Variants in DCST1 observed in about 807,000 individuals in gnomAD.
DCST1 encodes E3 ubiquitin-protein ligase DCST1.
DCST1 carries 78 observed loss-of-function variants against 89.1 expected under a neutral mutation model. The ratio of observed to expected loss-of-function variants is 0.88; its 90% confidence interval spans 0.73 to 1.06. DCST1 has a LOEUF of 1.06. Among genes scored for constraint, DCST1 ranks in the 50% least tolerant of loss-of-function variants. DCST1 has a pLI of 0.00. For synonymous variants in DCST1, 364 were observed against 371.9 expected (o/e 0.98, Z 0.24); for missense variants, 900 against 928.6 (o/e 0.97, Z 0.40).
Position 155,046,161 on chromosome 1 carries a change from G to A in DCST1, c.1309G>A (p.Glu437Lys), listed in dbSNP as rs200401900. 3.1e-6 allele frequency: 5 copies of A among 1,614,208 alleles called. No homozygotes were observed. Among genetic ancestry groups the A allele is most frequent in the Non-Finnish European group, 8.5e-7 (1 of 1,180,038 alleles). The change falls in exon 12 of 17, where the codon GAG becomes AAG. Residue 437 changes from glutamate (E) to lysine (K), a missense_variant. Coordinates refer to ENST00000295542, the MANE Select transcript of DCST1 (RefSeq NM_152494.4). Reference protein sequence around the residue: ...RTLLPLRKAEEKTVIFPCKPT... With the variant: ...RTLLPLRKAEKKTVIFPCKPT... ...TCTGCTGCCACTCCGCAAAGCTGAG[G>A]AGAAAACCGTCATCTTCCCTTGCAA... is the stretch of plus-strand genomic sequence containing the variant.
At chr1:155,039,581 G>C in intron 5 of DCST1, 50 bp downstream of exon 5, 1 of 1,481,444 alleles carries the variant, frequency 6.8e-7, no homozygotes, top group Non-Finnish European at 9.0e-7. Context: ...ACCCTGGGTG[G>C]GTCATCCAAT....
intron 4 of DCST1, among the ~76,000 whole-genome samples, chr1:155,039,133 A>C (rs1404465623): frequency 1.3e-5 from 2 of 152,152 alleles, no homozygotes; most frequent in African/African-American, 4.8e-5. Context: ...CCCTAACACA[A>C]ACACACACAA....
chr1:155,039,441 C>T lies in DCST1; in HGVS notation c.301C>T (p.Arg101Cys), dbSNP rs148510175. The change falls in exon 5 of 17, where the codon CGC (arginine) becomes TGC (cysteine). Residue 101 changes from arginine (R) to cysteine (C), a missense_variant. Coordinates refer to ENST00000295542, the MANE Select transcript of DCST1 (RefSeq NM_152494.4). The stretch of plus-strand genomic sequence containing the variant: ...GGGCTGGGGGACCTCCCCTCACATC[C>T]GCTGTGCCAGCCTCCTACTAGTACC... Reference protein sequence around the residue: ...AMGWGTSPHIRCASLLLVPKM... With the variant: ...AMGWGTSPHICCASLLLVPKM... 161 of 1,598,226 alleles carry T rather than the reference C, an allele frequency of 1.0e-4. No homozygotes were observed. The highest frequency in any genetic ancestry group is 1.2e-4 in the Admixed American group (7 of 58,412).
chr1:155,034,272 A>G, intron 2 of DCST1, 163 bp from the exon 3 acceptor site: 2 of 1,571,134 alleles, frequency 1.3e-6, no homozygotes, highest in Non-Finnish European at 1.7e-6. Flanking sequence ...TTACACCCAT[A>G]CCACTTCCTC....
At position 155,050,667 on chromosome 1, in the gene DCST1, CTGGCTGTGCCGGCGCTGCG is replaced by C. The variant is rs1558114348; in HGVS notation, c.1924_1942del (p.Leu642CysfsTer74). On this transcript the variant is annotated frameshift_variant, in exon 17 of 17. Transcript: ENST00000295542. LOFTEE classifies it high-confidence loss of function. ...ACCGCGGCTGCCCGCTCCTGCGCCG[CTGGCTGTGCCGGCGCTGCG>C]TGGTGTGCCAGGCACCCGAGACGCC... 1 of 1,601,266 alleles carries C rather than the reference CTGGCTGTGCCGGCGCTGCG, an allele frequency of 6.2e-7. No homozygotes were observed. The highest frequency in any genetic ancestry group is 8.5e-7 in the Non-Finnish European group (1 of 1,176,182).
chr1:155,044,960 G>A (rs1044344707), intron 10 of DCST1, among the ~76,000 whole-genome samples: 3 of 152,160 alleles, frequency 2.0e-5, no homozygotes, highest in African/African-American at 7.2e-5. Context: ...GTGGAGGGAA[G>A]GAAGGAGGCA....
chr1:155,048,084 T>G lies in DCST1; in HGVS notation c.1783T>G (p.Tyr595Asp). The G allele has an allele frequency of 1.9e-6, 3 of 1,613,920 alleles. No individual in the cohort carries two copies. The highest frequency in any genetic ancestry group is 2.5e-6 in the Non-Finnish European group (3 of 1,179,968). ...AGAGAAGAAGCGGATCCTGTTCCTC[T>G]ACAATGACCTATTGAAGAAAAGAGC... Reference protein sequence around the residue: ...KREKKRILFLYNDLLKKRAAF... With the variant: ...KREKKRILFLDNDLLKKRAAF... The change falls in exon 16 of 17, where the codon TAC becomes GAC. Residue 595 changes from tyrosine (Y) to aspartate (D), a missense_variant. Transcript: ENST00000295542.
chr1:155,050,384 G>C (rs12085572), intron 16 of DCST1, among the ~76,000 whole-genome samples: 1 of 152,228 alleles, frequency 6.6e-6, no homozygotes, highest in African/African-American at 2.4e-5. Context: ...GTGCAAATGA[G>C]AGTTGTGGCT....
In DCST1 at chr1:155,042,868, G is replaced by A; in HGVS notation, c.1014+12G>A. On this transcript the variant is annotated intron_variant, in intron 9 of 16. Coordinates refer to ENST00000295542, the MANE Select transcript of DCST1 (RefSeq NM_152494.4). ...ATATTGACTTCAAGGTAGAAGGCAA[G>A]GGCGAGGGTTGGTGGGGGGTAGATA... The A allele has an allele frequency of 1.2e-6, 2 of 1,614,106 alleles. No homozygotes were observed. The highest frequency in any genetic ancestry group is 1.7e-6 in the Non-Finnish European group (2 of 1,180,000).
intron 6 of DCST1, 46 bp from the exon 7 acceptor site, chr1:155,041,351 T>C: frequency 6.2e-7 from 1 of 1,603,806 alleles, no homozygotes; most frequent in Non-Finnish European, 8.5e-7. Context: ...GCAGAAGTTC[T>C]AAAGCCCCAG....
intron 6 of DCST1, 57 bp downstream of exon 6, chr1:155,040,681 C>T (rs949270841): frequency 1.5e-5 from 23 of 1,497,702 alleles, no homozygotes; most frequent in Admixed American, 1.4e-4. Flanking sequence ...GCCAAGTTAA[C>T]TTGAGCTGGG....
In DCST1 at chr1:155,049,417, A is replaced by ATT. The variant is rs35719405; in HGVS notation, c.1870-1186_1870-1185dup. 3.6e-3 allele frequency among the ~76,000 whole-genome samples: 525 copies of ATT among 146,236 alleles called. 2 individuals are homozygous for ATT. Among genetic ancestry groups the ATT allele is most frequent in the African/African-American group, 7.5e-3 (294 of 39,438 alleles). ...CTGCCTTACATGACAATTGAATTGA[A>ATT]TTTTTTTTTTTTTTTGAGACTAAGT... is the stretch of plus-strand genomic sequence containing the variant. On this transcript the variant is annotated intron_variant, in intron 16 of 16. Coordinates refer to ENST00000295542, the MANE Select transcript of DCST1 (RefSeq NM_152494.4).
chr1:155,050,657 T>C lies in DCST1; in HGVS notation c.1910T>C (p.Leu637Pro), dbSNP rs1230688044. The change falls in exon 17 of 17, where the codon CTC becomes CCC. Residue 637 changes from leucine to proline, a missense_variant. Coordinates refer to ENST00000295542, the MANE Select transcript of DCST1 (RefSeq NM_152494.4). ...GATATCCTGCACCGCGGCTGCCCGC[T>C]CCTGCGCCGCTGGCTGTGCCGGCGC... ...LADILHRGCP[L>P]LRRWLCRRCV... The C allele has an allele frequency of 1.9e-6, 3 of 1,599,814 alleles. No homozygotes were observed. Among genetic ancestry groups the C allele is most frequent in the Non-Finnish European group, 2.6e-6 (3 of 1,176,164 alleles).
In DCST1 at chr1:155,041,788, T is replaced by TG; in HGVS notation, c.826dup (p.Val276GlyfsTer61). 6.2e-7 allele frequency: 1 copy of TG among 1,614,248 alleles called. No individual in the cohort carries two copies. The highest frequency in any genetic ancestry group is 8.5e-7 in the Non-Finnish European group (1 of 1,180,050). On this transcript the variant is annotated frameshift_variant, in exon 8 of 17. Transcript: ENST00000295542. LOFTEE classifies it high-confidence loss of function. ...GCATGAACAGTGCATGAAGCACATCTGGGTCCCACTCCTCACCCACCTGCT... is the reference window on the plus strand; with the variant it reads ...GCATGAACAGTGCATGAAGCACATCTGGGGTCCCACTCCTCACCCACCTGCT...
chr1:155,048,090 G>A lies in DCST1; in HGVS notation c.1789G>A (p.Asp597Asn), dbSNP rs145015807. The stretch of plus-strand genomic sequence containing the variant: ...GAAGCGGATCCTGTTCCTCTACAAT[G>A]ACCTATTGAAGAAAAGAGCAGCCTT... ...EKKRILFLYNDLLKKRAAFTK... is the reference protein window; with the variant it reads ...EKKRILFLYNNLLKKRAAFTK... Residue 597 changes from aspartate (D) to asparagine (N), a missense_variant, in exon 16 of 17, where the codon GAC becomes AAC. By Grantham distance (23) the Asp-to-Asn change is conservative. Transcript: ENST00000295542. The A allele has an allele frequency of 6.2e-7, 1 of 1,613,980 alleles. No individual in the cohort carries two copies. The highest frequency in any genetic ancestry group is 1.1e-5 in the South Asian group (1 of 91,038).
rs1206036426 is a variant in DCST1, at chr1:155,047,942, C to G, written c.1755+13C>G. On this transcript the variant is annotated intron_variant, in intron 15 of 16. Transcript: ENST00000295542. ...CTACTTCCCCAAGGTTTGCCCCTCC[C>G]CAGACCTCTCCACCCCTACACACCT... is the stretch of plus-strand genomic sequence containing the variant. The G allele has an allele frequency of 7.4e-6, 12 of 1,613,966 alleles. No homozygotes were observed. The highest frequency in any genetic ancestry group is 1.0e-5 in the Non-Finnish European group (12 of 1,179,936).
At chr1:155,040,069 G>A (rs55912319) in intron 5 of DCST1, among the ~76,000 whole-genome samples, 3,340 of 140,580 alleles carry the variant, frequency 0.024, 46 homozygotes, top group Non-Finnish European at 0.028. Context: ...GTGGGAGGCC[G>A]AAGCGGGCGG....
intron 16 of DCST1, chr1:155,049,073 G>A: frequency 1.4e-6 from 1 of 717,272 alleles, no homozygotes; most frequent in Non-Finnish European, 2.6e-6. Context: ...CTGGAGATCA[G>A]CCTAGAGTGG....
rs140618773 is a variant in DCST1 at position 155,048,153 on chromosome 1, C to T, written c.1852C>T (p.Arg618Ter). 22 of 1,613,850 alleles carry T rather than the reference C, an allele frequency of 1.4e-5. No homozygotes were observed. Among genetic ancestry groups the T allele is most frequent in the African/African-American group, 1.1e-4 (8 of 74,914 alleles). ...LRRAAILRRE[R>*]QQKAPRHPLA... is the part of the protein sequence containing the mutation. ...GAGGGCCGCTATCCTGAGGCGGGAG[C>T]GACAGCAGAAGGCTCCGGTAAGTCC... is the stretch of plus-strand genomic sequence containing the variant. Residue 618 changes from arginine (R) to a stop codon, truncating the protein, a stop_gained, in exon 16 of 17, where the codon CGA becomes TGA. Transcript: ENST00000295542. LOFTEE classifies it high-confidence loss of function.
Sources: allele counts gnomAD v4.1 joint callset (sites outside exome capture counted in the v4.1 genomes callset), GRCh38; gene constraint gnomAD v4.1.1; transcripts MANE v1.5; gene names NCBI Gene and HGNC (gene_info 2026-07-23, HGNC 2026-07-21).